Variants in C8orf88 observed in about 807,000 individuals in gnomAD.
C8orf88 encodes uncharacterized protein C8orf88.
A neutral mutation model predicts 18.4 loss-of-function variants in C8orf88; 14 were observed. The ratio of observed to expected loss-of-function variants is 0.76; its 90% CI spans 0.50 to 1.19. C8orf88 has a LOEUF of 1.19. C8orf88 is among the 50% of genes most tolerant of loss of function. The pLI is 0.00. For missense variants in C8orf88, 116 were observed against 134.7 expected, an observed-to-expected ratio of 0.86 and a Z score of 0.69; for synonymous variants, 45 against 42.9, an observed-to-expected ratio of 1.05 and a Z score of -0.19.
intron 1 of C8orf88, among the ~76,000 whole-genome samples, chr8:90,982,625 A>C (rs1417928362): frequency 6.6e-6 from 1 of 152,158 alleles, no homozygotes; most frequent in East Asian, 1.9e-4. Flanking sequence ...CAAGTAAATA[A>C]ACAAAAAATC....
In C8orf88 at chr8:90,978,702, T is replaced by G; in HGVS notation, c.74-50A>C. Reference sequence around the variant, plus strand: ...TTCATAGATCTATTATTTCAATAAATAATATAATCAACTAAAAAGCTTAAG... The same window carrying G: ...TTCATAGATCTATTATTTCAATAAAGAATATAATCAACTAAAAAGCTTAAG... On this transcript the variant is annotated intron_variant, in intron 2 of 5. Transcript: ENST00000517562. The G allele has an allele frequency of 4.6e-6, 5 of 1,083,714 alleles. No homozygotes were observed. In the South Asian group the frequency reaches 7.8e-5, roughly 17 times the overall value. 67.1% of individuals were successfully genotyped at this position (1,083,714 alleles called of 1,614,324 possible). A position where few individuals can be genotyped will look rare whatever the true frequency, so the allele number is the denominator to read the frequency against.
Position 90,960,745 on chromosome 8 carries a change from T to C in C8orf88, c.327A>G (p.Lys109=), listed in dbSNP as rs1339799764. ...ACAAACTTAGAAAACTACTTACTGG[T>C]TTTTGCAGTACAATGGGATGATCAG... ...FLPDHPIVLQ[K]PENNQSFK Residue 109 remains lysine, a synonymous_variant, in exon 5 of 6, where the codon AAA becomes AAG. Transcript: ENST00000517562. 2.6e-6 allele frequency: 4 copies of C among 1,513,874 alleles called. No homozygotes were observed. The highest frequency in any genetic ancestry group is 3.5e-6 in the Non-Finnish European group (4 of 1,131,674). 93.8% of individuals were successfully genotyped at this position (1,513,874 alleles called of 1,614,324 possible).
At chr8:90,968,226 T>C (rs1046160862) in intron 4 of C8orf88, among the ~76,000 whole-genome samples, 4 of 151,630 alleles carry the variant, frequency 2.6e-5, no homozygotes, top group African/African-American at 7.3e-5. Flanking sequence ...GGCAGGCATA[T>C]AAAACAAGAG....
intron 3 of C8orf88, among the ~76,000 whole-genome samples, chr8:90,972,822 G>A (rs1441935028): frequency 6.6e-6 from 1 of 152,004 alleles, no homozygotes; most frequent in Non-Finnish European, 1.5e-5. Flanking sequence ...GCATCTAAAG[G>A]GTTACCATTC....
Position 90,966,565 on chromosome 8 carries a change from C to G in C8orf88, c.223+4501G>C, listed in dbSNP as rs568147406. On this transcript the variant is annotated intron_variant, in intron 4 of 5. Transcript: ENST00000517562. ...GTCTCTGCTGTCTTTAGGCGACTCA[C>G]CAAAAAAAAAAAAAAGTTGGTTTTT... is the stretch of plus-strand genomic sequence containing the variant. 3.1e-4 allele frequency among the ~76,000 whole-genome samples: 45 copies of G among 144,188 alleles called. 1 individual carries two copies. Among genetic ancestry groups the G allele is most frequent in the African/African-American group, 1.1e-3 (44 of 39,430 alleles). 94.6% of individuals were successfully genotyped at this position (144,188 alleles called of 152,430 possible). A position where few individuals can be genotyped will look rare whatever the true frequency, so the allele number is the denominator to read the frequency against.
At chr8:90,961,404 T>G (rs932132683) in intron 4 of C8orf88, among the ~76,000 whole-genome samples, 7 of 151,058 alleles carry the variant, frequency 4.6e-5, no homozygotes, top group African/African-American at 1.7e-4. Flanking sequence ...CCAGAAACAA[T>G]CACCAAGACA....
chr8:90,980,864 T>C (rs1008270618), intron 1 of C8orf88, among the ~76,000 whole-genome samples: 5 of 151,906 alleles, frequency 3.3e-5, no homozygotes, highest in African/African-American at 1.2e-4. Context: ...AGCTAATATA[T>C]TTTTTTTAAA....
Position 90,958,595 on chromosome 8 carries a change from C to T in C8orf88, c.*412G>A, listed in dbSNP as rs938993747. On this transcript the variant is annotated 3_prime_UTR_variant, in exon 6 of 6. Transcript: ENST00000517562. ...ATGAAATCAGTGGGAAGCAGAACAA[C>T]AGAAGGAACTTTAAAAGCAACAAGC... 5.9e-6 allele frequency: 1 copy of T among 169,060 alleles called. No homozygotes were observed. The highest frequency in any genetic ancestry group is 1.3e-5 in the Non-Finnish European group (1 of 79,896). The allele number at this position is 169,060 out of a possible 1,614,324, so 10.5% of individuals were successfully genotyped here.
intron 1 of C8orf88, among the ~76,000 whole-genome samples, chr8:90,983,943 C>G (rs1246016469): frequency 6.6e-6 from 1 of 152,144 alleles, no homozygotes; most frequent in Non-Finnish European, 1.5e-5. Context: ...TAAGGCCATG[C>G]AGAATAAATT....
intron 4 of C8orf88, among the ~76,000 whole-genome samples, chr8:90,961,768 A>G (rs2631026): frequency 0.52 from 78,243 of 151,050 alleles, 23,276 homozygotes; most frequent in African/African-American, 0.79. Flanking sequence ...AGCAAAAGCC[A>G]CCACAGATAA....
intron 4 of C8orf88, among the ~76,000 whole-genome samples, chr8:90,970,518 T>C (rs1052376284): frequency 6.6e-6 from 1 of 152,190 alleles, no homozygotes; most frequent in Non-Finnish European, 1.5e-5. Context: ...TTTGCTTCAG[T>C]AATAGAATTA....
chr8:90,963,096 G>A (rs1431859801), intron 4 of C8orf88, among the ~76,000 whole-genome samples: 2 of 151,520 alleles, frequency 1.3e-5, no homozygotes, highest in Non-Finnish European at 3.0e-5. Context: ...GCAGAATTGA[G>A]GTAATACCTC....
At position 90,968,675 on chromosome 8, in the gene C8orf88, T is replaced by TAA. The variant is rs940379315; in HGVS notation, c.223+2390_223+2391insTT. ...AAGACAACATATATATATATATATATATATATATATGCACACACTGGAAGG... is the reference window on the plus strand; with the variant it reads ...AAGACAACATATATATATATATATATAAATATATATATGCACACACTGGAAGG... On this transcript the variant is annotated intron_variant, in intron 4 of 5. Transcript: ENST00000517562. Among the ~76,000 whole-genome samples, 2 of 134,340 alleles carry TAA rather than the reference T, an allele frequency of 1.5e-5. 1 individual carries two copies. The highest frequency in any genetic ancestry group is 3.3e-5 in the Non-Finnish European group (2 of 61,078). The allele number at this position is 134,340 out of a possible 152,430, so 88.1% of individuals were successfully genotyped here.
intron 3 of C8orf88, 36 bp from the exon 4 acceptor site, chr8:90,971,177 G>T: frequency 1.6e-6 from 2 of 1,264,444 alleles, no homozygotes; most frequent in Non-Finnish European, 1.0e-6. Flanking sequence ...TTTTAACTCA[G>T]GTTTTAAAAT....
At chr8:90,961,538 A>G (rs538823109) in intron 4 of C8orf88, among the ~76,000 whole-genome samples, 1 of 151,466 alleles carries the variant, frequency 6.6e-6, no homozygotes, top group South Asian at 2.1e-4. Context: ...TGTGAAGGAA[A>G]GACATTTTCA....
intron 2 of C8orf88, 26 bp downstream of exon 2, chr8:90,980,337 A>G (rs1340781699): frequency 7.0e-7 from 1 of 1,419,920 alleles, no homozygotes; most frequent in Non-Finnish European, 9.3e-7. Context: ...ATTAATATTT[A>G]AAGAACTGTA....
chr8:90,971,044 G>A, intron 4 of C8orf88, 22 bp downstream of exon 4: 1 of 1,411,732 alleles, frequency 7.1e-7, no homozygotes, highest in Non-Finnish European at 9.5e-7. Context: ...TGATAAAATT[G>A]GGAATTATGA....
At chr8:90,964,481 T>C (rs112256593) in intron 4 of C8orf88, among the ~76,000 whole-genome samples, 10 of 151,740 alleles carry the variant, frequency 6.6e-5, no homozygotes, top group Admixed American at 2.0e-4. Flanking sequence ...TACTGACAGT[T>C]TACTGCTTGT....
At chr8:90,977,198 G>A (rs1442334639) in intron 3 of C8orf88, among the ~76,000 whole-genome samples, 4 of 152,110 alleles carry the variant, frequency 2.6e-5, no homozygotes, top group Admixed American at 6.5e-5. Flanking sequence ...TACTTCACAA[G>A]TAATAGAGAA....
Sources: allele counts gnomAD v4.1 joint callset (sites outside exome capture counted in the v4.1 genomes callset), GRCh38; gene constraint gnomAD v4.1.1; transcripts MANE v1.5; gene names NCBI Gene and HGNC (gene_info 2026-07-23, HGNC 2026-07-21).